Variants in PCLO observed in about 807,000 individuals in gnomAD.
PCLO encodes the protein piccolo presynaptic cytomatrix protein.
Under a neutral mutation model 427.5 loss-of-function variants are expected in PCLO, and 82 were observed. The observed-to-expected ratio is 0.19, with a 90% CI of 0.16 to 0.23. The LOEUF is 0.23. PCLO is among the 10% of genes least tolerant of loss of function. The pLI is 1.00. For synonymous variants in PCLO, 2,357 were observed against 2,155.4 expected (o/e 1.09, Z -2.59); for missense variants, 6,239 against 6,115.9 (o/e 1.02, Z -0.67).
At chr7:82,810,107 G>A (rs1791538092) in intron 20 of PCLO, among the ~76,000 whole-genome samples, 1 of 151,246 alleles carries the variant, frequency 6.6e-6, no homozygotes, top group African/African-American at 2.4e-5. Context: ...GTAGGTAGTT[G>A]GAGAGCTCTG....
Position 82,914,798 on chromosome 7 carries a change from G to A in PCLO, c.13188C>T (p.His4396=), listed in dbSNP as rs1794403925. Residue 4396 remains histidine, a synonymous_variant, in exon 7 of 25, where the codon CAC becomes CAT. Coordinates refer to ENST00000333891, the MANE Select transcript of PCLO (RefSeq NM_033026.6). ...ADTRDQFGSS[H]SLPEVQQHMR... is the part of the protein sequence containing the mutation. ...TGTGTTGCTGAACTTCAGGCAATGA[G>A]TGGCTTGATCCAAACTGATCCCTGG... 6.2e-7 allele frequency: 1 copy of A among 1,613,440 alleles called. No individual in the cohort carries two copies. The highest frequency in any genetic ancestry group is 1.1e-5 in the South Asian group (1 of 91,068).
At chr7:83,082,487 G>C (rs1015100641) in intron 3 of PCLO, among the ~76,000 whole-genome samples, 10 of 151,608 alleles carry the variant, frequency 6.6e-5, no homozygotes, top group African/African-American at 1.4e-4. Context: ...ATGGTTACAC[G>C]AGGCTAGGAA....
At chr7:82,779,746 CTTTT>C (rs397976054) in intron 22 of PCLO, among the ~76,000 whole-genome samples, 1 of 134,390 alleles carries the variant, frequency 7.4e-6, no homozygotes, top group African/African-American at 2.7e-5. Flanking sequence ...TTCTTTCTTT[CTTTT>C]TTTTTTTTTT....
At chr7:82,774,768 C>T (rs1303188917) in intron 22 of PCLO, among the ~76,000 whole-genome samples, 2 of 152,100 alleles carry the variant, frequency 1.3e-5, no homozygotes, top group African/African-American at 4.8e-5. Flanking sequence ...CGCCCAAAGT[C>T]CAACATATAA....
At position 82,949,802 on chromosome 7, in the gene PCLO, A is replaced by C. The variant is rs1795290590; in HGVS notation, c.10786T>G (p.Leu3596Val). 2 of 1,613,602 alleles carry C rather than the reference A, an allele frequency of 1.2e-6. No individual in the cohort carries two copies. The change falls in exon 6 of 25, where the codon TTA becomes GTA. Residue 3596 changes from leucine (L) to valine (V), a missense_variant. Transcript: ENST00000333891. The stretch of plus-strand genomic sequence containing the variant: ...AGGTGAGATGAATAACCAATCTCTA[A>C]AGGTGTTGGGCGTTTCTTGTCTTTG... ...PPKDKKRPTP[L>V]EIGYSSHLRA...
At chr7:82,816,933 T>C (rs1245278262) in intron 20 of PCLO, among the ~76,000 whole-genome samples, 1 of 152,070 alleles carries the variant, frequency 6.6e-6, no homozygotes, top group South Asian at 2.1e-4. Context: ...ATGGTCAGAG[T>C]TCTACATTTA....
intron 3 of PCLO, among the ~76,000 whole-genome samples, chr7:83,008,602 T>G (rs1189842945): frequency 1.3e-5 from 2 of 151,618 alleles, no homozygotes; most frequent in African/African-American, 4.8e-5. Context: ...CAACATCTAA[T>G]GTTTCCTATC....
At chr7:83,111,075 T>C (rs1038193436) in intron 3 of PCLO, among the ~76,000 whole-genome samples, 1 of 152,200 alleles carries the variant, frequency 6.6e-6, no homozygotes, top group Admixed American at 6.5e-5. Context: ...TCCATGTGAT[T>C]TGAGATGAAT....
intron 17 of PCLO, 93 bp downstream of exon 17, chr7:82,827,780 C>A (rs374576574): frequency 7.5e-6 from 5 of 663,132 alleles, no homozygotes; most frequent in South Asian, 2.3e-5. Flanking sequence ...GTTTGATTGG[C>A]AAAATGTATA....
intron 3 of PCLO, among the ~76,000 whole-genome samples, chr7:83,124,048 C>T (rs933287068): frequency 6.6e-6 from 1 of 150,906 alleles, no homozygotes; most frequent in Admixed American, 6.6e-5. Flanking sequence ...GTGGCTCACA[C>T]CTGTAATCTC....
At chr7:82,987,039 C>G (rs189236336) in intron 3 of PCLO, among the ~76,000 whole-genome samples, 21 of 151,988 alleles carry the variant, frequency 1.4e-4, no homozygotes, top group Admixed American at 1.1e-3. Context: ...TATGCCATTT[C>G]GTCAGATTAA....
chr7:82,962,032 C>T (rs1430599536), intron 4 of PCLO, among the ~76,000 whole-genome samples: 1 of 152,154 alleles, frequency 6.6e-6, no homozygotes, highest in African/African-American at 2.4e-5. Flanking sequence ...AAGGTGAGAA[C>T]AGTGATCATC....
intron 3 of PCLO, among the ~76,000 whole-genome samples, chr7:83,018,698 C>A (rs1471054871): frequency 6.6e-6 from 1 of 151,832 alleles, no homozygotes; most frequent in Non-Finnish European, 1.5e-5. Context: ...CCTTTAATGT[C>A]CAGGAGGATT....
chr7:83,091,017 T>G (rs1790364644), intron 3 of PCLO, among the ~76,000 whole-genome samples: 1 of 152,126 alleles, frequency 6.6e-6, no homozygotes, highest in Non-Finnish European at 1.5e-5. Context: ...CTTGCCTAAA[T>G]GATGTTTTAA....
chr7:82,965,729 T>C (rs908275275), intron 4 of PCLO, 42 bp downstream of exon 4: 2 of 1,351,180 alleles, frequency 1.5e-6, no homozygotes, highest in Non-Finnish European at 1.0e-6. Flanking sequence ...AATTAGTAAT[T>C]TCACACATGA....
intron 9 of PCLO, among the ~76,000 whole-genome samples, chr7:82,897,689 G>T (rs1423436547): frequency 1.3e-5 from 2 of 151,360 alleles, no homozygotes; most frequent in Admixed American, 6.6e-5. Flanking sequence ...TACCATGGAT[G>T]ACAAATGAAT....
intron 5 of PCLO, 88 bp from the exon 6 acceptor site, chr7:82,951,578 T>C (rs1795349913): frequency 2.2e-6 from 2 of 927,642 alleles, no homozygotes; most frequent in South Asian, 1.7e-5. Context: ...ATGAACATAA[T>C]GAATGAGACT....
At position 82,989,044 on chromosome 7, in the gene PCLO, G is replaced by C. The variant is rs574171557; in HGVS notation, c.3301-22557C>G. 9.2e-5 allele frequency among the ~76,000 whole-genome samples: 14 copies of C among 151,680 alleles called. No homozygotes were observed. The South Asian group carries it at 2.7e-3, about 29-fold the overall frequency. On this transcript the variant is annotated intron_variant, in intron 3 of 24. Transcript: ENST00000333891. ...TAGATATGGGGTCAGGCTGGGTCTC[G>C]AACTCCTGACCTCAGGTGATTCGCC...
intron 20 of PCLO, chr7:82,821,067 G>C (rs1280811038): frequency 1.8e-6 from 2 of 1,132,622 alleles, no homozygotes; most frequent in African/African-American, 3.2e-5. Context: ...CTTTAAATTT[G>C]GGGATGTTCT....
Sources: gnomAD v4.1 joint callset for allele counts (sites outside exome capture counted in the v4.1 genomes callset) on GRCh38, gnomAD v4.1.1 for gene constraint, MANE v1.5 for transcripts, NCBI Gene and HGNC (gene_info 2026-07-23, HGNC 2026-07-21) for gene names.